The following PDE3B variants were observed in gnomAD, a reference collection of about 807,000 sequenced individuals.
PDE3B encodes phosphodiesterase 3B, also known as cGMP-inhibited 3',5'-cyclic phosphodiesterase 3B.
Under a neutral mutation model 116.8 loss-of-function variants are expected in PDE3B, and 66 were observed. That is an observed-to-expected ratio of 0.56 (90% CI 0.46 to 0.69). The LOEUF is 0.69. PDE3B is among the 30% of genes least tolerant of loss of function. The pLI, the probability that PDE3B is intolerant of heterozygous loss-of-function variation, is 0.00. For missense variants in PDE3B, 1,384 were observed against 1,368.1 expected (o/e 1.01, Z -0.18); for synonymous variants, 595 against 533.6 (o/e 1.12, Z -1.59).
At chr11:14,868,263 C>T (rs1848083822) in intron 15 of PDE3B, among the ~76,000 whole-genome samples, 1 of 152,192 alleles carries the variant, frequency 6.6e-6, no homozygotes, top group Non-Finnish European at 1.5e-5. Flanking sequence ...CACGATAGGG[C>T]CATCACCACA....
chr11:14,743,776 A>T (rs1856834312), intron 1 of PDE3B, among the ~76,000 whole-genome samples: 1 of 152,098 alleles, frequency 6.6e-6, no homozygotes, highest in Admixed American at 6.5e-5. Flanking sequence ...ACCATTCCTC[A>T]CGGCACAGTC....
chr11:14,749,824 A>G (rs1202947366), intron 1 of PDE3B, among the ~76,000 whole-genome samples: 1 of 141,284 alleles, frequency 7.1e-6, no homozygotes, highest in Non-Finnish European at 1.5e-5. Flanking sequence ...ATCCTCCTAT[A>G]TCCCATAAAT....
chr11:14,816,848 A>G (rs138049692), intron 5 of PDE3B, among the ~76,000 whole-genome samples: 7,720 of 152,308 alleles, frequency 0.051, 246 homozygotes, highest in Non-Finnish European at 0.074. Context: ...GGGACTATAA[A>G]CTAGTTCAAC....
At chr11:14,714,365 G>T (rs1855807203) in intron 1 of PDE3B, among the ~76,000 whole-genome samples, 1 of 151,754 alleles carries the variant, frequency 6.6e-6, no homozygotes, top group Admixed American at 6.6e-5. Flanking sequence ...AATAGCAAAG[G>T]TTTATATAGC....
Position 14,643,973 on chromosome 11 carries a change from C to T in PDE3B, c.-103C>T. The T allele has an allele frequency of 7.3e-7, 1 of 1,372,944 alleles. No individual in the cohort carries two copies. Among genetic ancestry groups the T allele is most frequent in the Middle Eastern group, 2.7e-4 (1 of 3,718 alleles). 85.0% of individuals were successfully genotyped at this position (1,372,944 alleles called of 1,614,324 possible). The stretch of plus-strand genomic sequence containing the variant: ...CGGCGCAGCCCTGACGGGTTGCGAA[C>T]CAGGGGGCGCCCCGAACGCGGGGGT... On this transcript the variant is annotated 5_prime_UTR_variant, in exon 1 of 16. Transcript: ENST00000282096.
At chr11:14,839,948 C>T (rs1317107346) in intron 11 of PDE3B, among the ~76,000 whole-genome samples, 2 of 152,274 alleles carry the variant, frequency 1.3e-5, no homozygotes, top group Non-Finnish European at 1.5e-5. Flanking sequence ...TGAGATATTT[C>T]CTCCGAGTTG....
At chr11:14,669,204 A>G (rs756877660) in intron 1 of PDE3B, among the ~76,000 whole-genome samples, 2 of 152,146 alleles carry the variant, frequency 1.3e-5, no homozygotes, top group African/African-American at 4.8e-5. Context: ...TGGCTCTGGT[A>G]GTAGAGGAGC....
At chr11:14,684,322 ACC>A (rs1262544176) in intron 1 of PDE3B, among the ~76,000 whole-genome samples, 1 of 152,166 alleles carries the variant, frequency 6.6e-6, no homozygotes. Context: ...TATCGGTAGG[ACC>A]ATGATGCCTA....
intron 1 of PDE3B, among the ~76,000 whole-genome samples, chr11:14,683,532 A>G (rs1854777030): frequency 6.6e-6 from 1 of 151,526 alleles, no homozygotes; most frequent in Non-Finnish European, 1.5e-5. Flanking sequence ...TTCCTCTTTT[A>G]TTCTTGTTAT....
At chr11:14,791,592 T>C (rs950938202) in intron 4 of PDE3B, among the ~76,000 whole-genome samples, 4 of 152,172 alleles carry the variant, frequency 2.6e-5, no homozygotes, top group Admixed American at 2.6e-4. Flanking sequence ...TTCTCCTTTA[T>C]CACTGTGCCT....
At chr11:14,683,784 C>T (rs1854784601) in intron 1 of PDE3B, among the ~76,000 whole-genome samples, 1 of 151,704 alleles carries the variant, frequency 6.6e-6, no homozygotes, top group Admixed American at 6.6e-5. Context: ...GAGTTTTATT[C>T]TTTTCTAATA....
At chr11:14,891,526 G>A in the PDE3B span, 4 of 996,512 alleles carry the variant, frequency 4.0e-6, no homozygotes, top group Non-Finnish European at 4.8e-6. Flanking sequence ...AGACACCGAA[G>A]AACCTGCTAT....
At chr11:14,789,009 T>C in intron 3 of PDE3B, 97 bp from the exon 4 acceptor site, 2 of 812,676 alleles carry the variant, frequency 2.5e-6, no homozygotes, top group Non-Finnish European at 3.7e-6. Context: ...ATGTTAAAAA[T>C]ATACTTTGTA....
chr11:14,846,759 G>T (rs977994432), intron 12 of PDE3B, among the ~76,000 whole-genome samples: 2 of 152,060 alleles, frequency 1.3e-5, no homozygotes, highest in Non-Finnish European at 2.9e-5. Context: ...TTACATAATG[G>T]TAAAGGGATC....
intron 1 of PDE3B, among the ~76,000 whole-genome samples, chr11:14,650,519 TGGGTTTAA>T: frequency 6.6e-6 from 1 of 152,286 alleles, no homozygotes; most frequent in East Asian, 1.9e-4. Context: ...ACTTTGGAGA[TGGGTTTAA>T]GGATTTTGAG....
At chr11:14,854,608 C>T (rs1555005871) in intron 12 of PDE3B, among the ~76,000 whole-genome samples, 2 of 151,916 alleles carry the variant, frequency 1.3e-5, no homozygotes, top group Non-Finnish European at 2.9e-5. Flanking sequence ...ACCTCTGCCT[C>T]CAGGGTTCAA....
intron 1 of PDE3B, among the ~76,000 whole-genome samples, chr11:14,685,242 T>C (rs1372869294): frequency 6.6e-6 from 1 of 152,074 alleles, no homozygotes; most frequent in African/African-American, 2.4e-5. Flanking sequence ...TATGTTCCTC[T>C]GCCGCAGCTC....
At chr11:14,744,247 C>G (rs912429836) in intron 1 of PDE3B, among the ~76,000 whole-genome samples, 6 of 151,816 alleles carry the variant, frequency 4.0e-5, no homozygotes, top group African/African-American at 1.5e-4. Context: ...CCTTTCTATT[C>G]TTTTTTCTTT....
chr11:14,783,709 T>C (rs1293083674), intron 2 of PDE3B, among the ~76,000 whole-genome samples: 1 of 151,882 alleles, frequency 6.6e-6, no homozygotes, highest in Non-Finnish European at 1.5e-5. Context: ...CATGTATACA[T>C]ATGTAACAAA....
Sources: allele counts gnomAD v4.1 joint callset (sites outside exome capture counted in the v4.1 genomes callset), GRCh38; gene constraint gnomAD v4.1.1; transcripts MANE v1.5; gene names NCBI Gene and HGNC (gene_info 2026-07-23, HGNC 2026-07-21).